CNBD1: variants seen among roughly 807,000 people sequenced by gnomAD.
The protein encoded by CNBD1 is cyclic nucleotide binding domain containing 1, also known as cyclic nucleotide-binding domain-containing protein 1.
In CNBD1, 71 loss-of-function variants were observed where a neutral mutation model predicts 54.4. That is an observed-to-expected ratio of 1.30 (90% CI 1.08 to 1.59). The LOEUF is 1.59. CNBD1 is among the 40% of genes most tolerant of loss of function. The probability of loss-of-function intolerance (pLI) is 0.00; values close to 1 mark genes in which losing one functional copy is unlikely to be tolerated. For missense variants in CNBD1, 659 were observed against 518.0 expected (o/e 1.27, Z -2.64); for synonymous variants, 182 against 170.7 (o/e 1.07, Z -0.51).
At position 87,160,554 on chromosome 8, in the gene CNBD1, C is replaced by A. The variant is rs567542969; in HGVS notation, c.432-45439C>A. Among the ~76,000 whole-genome samples the A allele has an allele frequency of 5.9e-5, 9 of 152,180 alleles. No homozygotes were observed. The South Asian group carries it at 1.9e-3, about 32-fold the overall frequency. ...TCTTCCAGAAAAATTTTGGCAACAA[C>A]ATAAAACAATAGGATGTTTTAAAAT... is the stretch of plus-strand genomic sequence containing the variant. On this transcript the variant is annotated intron_variant, in intron 4 of 10. Transcript: ENST00000518476.
At chr8:87,425,276 G>A (rs1013770733) in intron 2 of CNBD1, among the ~76,000 whole-genome samples, 124 of 152,014 alleles carry the variant, frequency 8.2e-4, no homozygotes, top group East Asian at 2.7e-3. Context: ...ATGTCCTCCC[G>A]TAGCTCAGAG....
intron 2 of CNBD1, among the ~76,000 whole-genome samples, chr8:87,413,014 A>G (rs542737026): frequency 1.4e-4 from 21 of 152,152 alleles, no homozygotes; most frequent in African/African-American, 5.1e-4. Context: ...GAGATACAAC[A>G]GAACTCGGGT....
At chr8:87,174,322 C>T (rs1813154429) in intron 4 of CNBD1, among the ~76,000 whole-genome samples, 1 of 152,030 alleles carries the variant, frequency 6.6e-6, no homozygotes, top group Admixed American at 6.6e-5. Flanking sequence ...TTCAAGCTCA[C>T]GAATTCTTTC....
At chr8:87,381,291 A>T (rs940843339) in intron 10 of CNBD1, among the ~76,000 whole-genome samples, 1 of 152,040 alleles carries the variant, frequency 6.6e-6, no homozygotes, top group African/African-American at 2.4e-5. Flanking sequence ...AAAATGTCCA[A>T]TGCCACTAAC....
At chr8:86,971,577 T>C (rs1808219677) in intron 4 of CNBD1, among the ~76,000 whole-genome samples, 1 of 152,226 alleles carries the variant, frequency 6.6e-6, no homozygotes. Flanking sequence ...ATATTTAAAA[T>C]AGAAACTTCC....
intron 4 of CNBD1, among the ~76,000 whole-genome samples, chr8:87,155,909 A>G (rs949781859): frequency 1.3e-5 from 2 of 152,084 alleles, no homozygotes. Context: ...CACTTTACAC[A>G]CATGCTCTCA....
chr8:87,204,832 T>A (rs1304579627), intron 4 of CNBD1, among the ~76,000 whole-genome samples: 1 of 152,182 alleles, frequency 6.6e-6, no homozygotes, highest in East Asian at 1.9e-4. Flanking sequence ...GGTTATGATA[T>A]CATGCCATTT....
chr8:87,418,910 A>T (rs1807880009), intron 2 of CNBD1, among the ~76,000 whole-genome samples: 1 of 151,908 alleles, frequency 6.6e-6, no homozygotes, highest in South Asian at 2.1e-4. Context: ...TCAAAAAGCA[A>T]ACCATTGACT....
chr8:87,129,625 T>C (rs1163322016), intron 4 of CNBD1, among the ~76,000 whole-genome samples: 1 of 152,200 alleles, frequency 6.6e-6, no homozygotes, highest in Non-Finnish European at 1.5e-5. Context: ...TTTTTCAAGA[T>C]GTAGCTTTAG....
intron 4 of CNBD1, among the ~76,000 whole-genome samples, chr8:87,003,924 C>T (rs1218582321): frequency 1.3e-5 from 2 of 152,100 alleles, no homozygotes; most frequent in East Asian, 1.9e-4. Flanking sequence ...CCTACCAGGA[C>T]CTTTGAAAAT....
At chr8:87,327,120 G>C (rs1249605083) in intron 8 of CNBD1, among the ~76,000 whole-genome samples, 3 of 143,758 alleles carry the variant, frequency 2.1e-5, no homozygotes, top group African/African-American at 7.8e-5. Context: ...CTGCTCGGGG[G>C]TCAGGGGTCA....
At chr8:87,298,253 A>G (rs1032434917) in intron 8 of CNBD1, among the ~76,000 whole-genome samples, 2 of 152,112 alleles carry the variant, frequency 1.3e-5, no homozygotes. Flanking sequence ...TTTAAAAATT[A>G]TATAGATTCA....
intron 4 of CNBD1, among the ~76,000 whole-genome samples, chr8:86,962,161 G>C (rs1807945505): frequency 6.6e-6 from 1 of 152,158 alleles, no homozygotes; most frequent in Admixed American, 6.5e-5. Flanking sequence ...AGAAGTCCCA[G>C]GACTTCAGAG....
chr8:86,877,428 C>T (rs974351417), intron 1 of CNBD1, among the ~76,000 whole-genome samples: 1 of 152,110 alleles, frequency 6.6e-6, no homozygotes, highest in African/African-American at 2.4e-5. Context: ...AATAATATCT[C>T]TGAGGTTTCA....
intron 4 of CNBD1, among the ~76,000 whole-genome samples, chr8:87,063,615 A>G (rs1229672859): frequency 6.6e-6 from 1 of 152,058 alleles, no homozygotes; most frequent in Non-Finnish European, 1.5e-5. Context: ...CCCTCGAATC[A>G]CTATATAAAG....
At chr8:87,355,608 A>G (rs1402052736) in intron 10 of CNBD1, among the ~76,000 whole-genome samples, 1 of 152,204 alleles carries the variant, frequency 6.6e-6, no homozygotes, top group Non-Finnish European at 1.5e-5. Context: ...AGGATATTAA[A>G]GAAAATTGTA....
At chr8:87,206,762 T>C (rs1182053335) in intron 5 of CNBD1, among the ~76,000 whole-genome samples, 1 of 152,190 alleles carries the variant, frequency 6.6e-6, no homozygotes, top group Non-Finnish European at 1.5e-5. Flanking sequence ...AATACATTCT[T>C]TATGTCAGAA....
chr8:87,353,014 G>A (rs573268737), intron 9 of CNBD1, among the ~76,000 whole-genome samples: 16 of 152,012 alleles, frequency 1.1e-4, no homozygotes, highest in African/African-American at 1.7e-4. Context: ...AAATCTCCCC[G>A]CAAAGGTAAT....
chr8:87,014,846 AAGATAT>A (rs1369740355), intron 4 of CNBD1, among the ~76,000 whole-genome samples: 1 of 152,032 alleles, frequency 6.6e-6, no homozygotes, highest in East Asian at 1.9e-4. Flanking sequence ...AAGATGTAGA[AAGATAT>A]TTTTGGTAAA....
Sources: allele counts gnomAD v4.1 joint callset (sites outside exome capture counted in the v4.1 genomes callset), GRCh38; gene constraint gnomAD v4.1.1; transcripts MANE v1.5; gene names NCBI Gene and HGNC (gene_info 2026-07-23, HGNC 2026-07-21).